The following ERC2 variants were observed in gnomAD, a reference collection of about 807,000 sequenced individuals.
The protein encoded by ERC2 is ELKS/RAB6-interacting/CAST family member 2, also known as ERC protein 2.
ERC2 carries 42 observed loss-of-function variants against 114.8 expected under a neutral mutation model. The observed-to-expected ratio is 0.37, with a 90% CI of 0.29 to 0.47. ERC2 has a LOEUF of 0.47. Among genes scored for constraint, ERC2 ranks in the 20% least tolerant of loss-of-function variants. The probability of loss-of-function intolerance (pLI) is 0.99; values close to 1 mark genes in which losing one functional copy is unlikely to be tolerated. For missense variants in ERC2, 939 were observed against 1,150.7 expected (o/e 0.82, Z 2.66); for synonymous variants, 454 against 425.5 (o/e 1.07, Z -0.82).
At chr3:55,987,432 A>G (rs2070723692) in intron 11 of ERC2, among the ~76,000 whole-genome samples, 2 of 152,196 alleles carry the variant, frequency 1.3e-5, no homozygotes, top group South Asian at 4.1e-4. Flanking sequence ...GATGTCCGTG[A>G]CCTTCCCCAA....
Position 55,550,600 on chromosome 3 carries a change from A to T in ERC2, c.*40-39324T>A, listed in dbSNP as rs549687516. ...TATGAATTGTTCCTTGTTGCAGGGG[A>T]TGGGGAGAAGACTGAGAGTCTGAGA... On this transcript the variant is annotated intron_variant, in intron 17 of 17. Coordinates refer to ENST00000288221, the MANE Select transcript of ERC2 (RefSeq NM_015576.3). Among the ~76,000 whole-genome samples, 106 of 152,230 alleles carry T rather than the reference A, an allele frequency of 7.0e-4. 1 individual carries two copies. The highest frequency in any genetic ancestry group is 4.4e-3 in the South Asian group (21 of 4,824).
At chr3:56,211,959 G>A (rs1250074076) in intron 3 of ERC2, among the ~76,000 whole-genome samples, 1 of 152,122 alleles carries the variant, frequency 6.6e-6, no homozygotes, top group Non-Finnish European at 1.5e-5. Flanking sequence ...ACTCAAGATG[G>A]ATCAAAGACT....
chr3:56,028,066 C>T (rs574264971), intron 7 of ERC2, among the ~76,000 whole-genome samples: 1 of 152,092 alleles, frequency 6.6e-6, no homozygotes, highest in East Asian at 1.9e-4. Flanking sequence ...GCTATCCTTC[C>T]TCCACTGGAA....
At chr3:56,149,938 A>G (rs1195554291) in intron 4 of ERC2, among the ~76,000 whole-genome samples, 3 of 152,324 alleles carry the variant, frequency 2.0e-5, no homozygotes, top group East Asian at 3.9e-4. Flanking sequence ...AAAGTAGAGA[A>G]GAGAGAGCTC....
chr3:55,636,734 G>T (rs143630796), intron 17 of ERC2, among the ~76,000 whole-genome samples: 135 of 152,322 alleles, frequency 8.9e-4, no homozygotes, highest in Non-Finnish European at 1.4e-3. Flanking sequence ...AAGAGGTGTG[G>T]CTGTGCTCCA....
chr3:56,189,960 C>G (rs1436824037), intron 3 of ERC2, among the ~76,000 whole-genome samples: 2 of 152,068 alleles, frequency 1.3e-5, no homozygotes, highest in Non-Finnish European at 2.9e-5. Flanking sequence ...ACATGAAAGC[C>G]CAAGGACTGA....
At chr3:55,830,883 G>C (rs752842680) in intron 14 of ERC2, among the ~76,000 whole-genome samples, 1 of 152,158 alleles carries the variant, frequency 6.6e-6, no homozygotes, top group African/African-American at 2.4e-5. Flanking sequence ...ATTTGAGGCT[G>C]CAGTGAGCTA....
At position 55,905,233 on chromosome 3, in the gene ERC2, A is replaced by G. The variant is rs1461208788; in HGVS notation, c.2404-16684T>C. 2.0e-5 allele frequency among the ~76,000 whole-genome samples: 3 copies of G among 152,184 alleles called. 1 individual carries two copies. Among genetic ancestry groups the G allele is most frequent in the Admixed American group, 2.0e-4 (3 of 15,284 alleles). On this transcript the variant is annotated intron_variant, in intron 13 of 17. Coordinates refer to ENST00000288221, the MANE Select transcript of ERC2 (RefSeq NM_015576.3). ...GTAGCTAGGACCACAGGCATGCACC[A>G]TCACGCCCAGCTAATTTTTGTATTT...
At chr3:56,452,776 G>C (rs1309267645) in intron 1 of ERC2, among the ~76,000 whole-genome samples, 1 of 152,114 alleles carries the variant, frequency 6.6e-6, no homozygotes, top group Non-Finnish European at 1.5e-5. Flanking sequence ...GTAAGTATCT[G>C]AGTAACAATG....
chr3:55,521,432 TG>T (rs1464212816), intron 17 of ERC2, among the ~76,000 whole-genome samples: 1 of 152,234 alleles, frequency 6.6e-6, no homozygotes, highest in Non-Finnish European at 1.5e-5. Context: ...GGCTTGCCTG[TG>T]GTGCAAAGAA....
chr3:55,823,448 T>G (rs148324260), intron 14 of ERC2, among the ~76,000 whole-genome samples: 2 of 152,274 alleles, frequency 1.3e-5, no homozygotes, highest in Non-Finnish European at 2.9e-5. Context: ...ATCTTAGGCA[T>G]GGGTCCCCCT....
chr3:55,534,953 C>G (rs2053906431), intron 17 of ERC2, among the ~76,000 whole-genome samples: 1 of 152,170 alleles, frequency 6.6e-6, no homozygotes, highest in Non-Finnish European at 1.5e-5. Context: ...GAGGCAGCAT[C>G]TGCACAAAGA....
intron 17 of ERC2, among the ~76,000 whole-genome samples, chr3:55,516,761 A>G (rs925091416): frequency 1.3e-5 from 2 of 152,236 alleles, no homozygotes; most frequent in Non-Finnish European, 2.9e-5. Context: ...ATGTCTCCGT[A>G]GGATTTATTT....
In ERC2 at chr3:55,733,538, T is replaced by TCACA. The variant is rs1196908352; in HGVS notation, c.2712+1232_2712+1233insTGTG. On this transcript the variant is annotated intron_variant, in intron 15 of 17. Coordinates refer to ENST00000288221, the MANE Select transcript of ERC2 (RefSeq NM_015576.3). ...CTCTCTGTCTCTCATTCTTTCTCTC[T>TCACA]CTCTCACACACACACACACACACAC... 7.6e-3 allele frequency among the ~76,000 whole-genome samples: 563 copies of TCACA among 74,184 alleles called. 17 individuals are homozygous for TCACA. The highest frequency in any genetic ancestry group is 0.02 in the African/African-American group (459 of 22,704). 48.7% of individuals were successfully genotyped at this position (74,184 alleles called of 152,430 possible). A position where few individuals can be genotyped will look rare whatever the true frequency, so the allele number is the denominator to read the frequency against.
At chr3:55,805,731 C>T (rs2059462267) in intron 14 of ERC2, among the ~76,000 whole-genome samples, 1 of 152,028 alleles carries the variant, frequency 6.6e-6, no homozygotes, top group Non-Finnish European at 1.5e-5. Flanking sequence ...ATTTGGAAAA[C>T]CCTAAAATAA....
chr3:56,213,835 C>G (rs1220006158), intron 3 of ERC2, among the ~76,000 whole-genome samples: 11 of 152,108 alleles, frequency 7.2e-5, no homozygotes, highest in Admixed American at 5.9e-4. Flanking sequence ...GGAACAGCAA[C>G]ATCTGCTGTT....
At chr3:56,120,537 G>C (rs1282906439) in intron 6 of ERC2, among the ~76,000 whole-genome samples, 3 of 152,094 alleles carry the variant, frequency 2.0e-5, no homozygotes, top group African/African-American at 7.2e-5. Flanking sequence ...GAGGTGGGAG[G>C]TTTTCACCTC....
chr3:55,926,713 C>T (rs1244755572), intron 13 of ERC2, among the ~76,000 whole-genome samples: 1 of 152,106 alleles, frequency 6.6e-6, no homozygotes, highest in Non-Finnish European at 1.5e-5. Context: ...GCATCATGGC[C>T]TCTTCCTGCC....
chr3:55,715,403 T>C (rs1050707319), intron 15 of ERC2, among the ~76,000 whole-genome samples: 1 of 152,176 alleles, frequency 6.6e-6, no homozygotes, highest in Non-Finnish European at 1.5e-5. Context: ...TCAGAAAATA[T>C]CTTTTAATAA....
Sources: allele counts gnomAD v4.1 joint callset (sites outside exome capture counted in the v4.1 genomes callset), GRCh38; gene constraint gnomAD v4.1.1; transcripts MANE v1.5; gene names NCBI Gene and HGNC (gene_info 2026-07-23, HGNC 2026-07-21).